MYCBP2: variants seen among roughly 807,000 people sequenced by gnomAD.
MYCBP2 encodes MYC binding protein 2, also known as E3 ubiquitin-protein ligase MYCBP2.
MYCBP2 carries 120 observed loss-of-function variants against 525.3 expected under a neutral mutation model. The ratio of observed to expected loss-of-function variants is 0.23; its 90% CI spans 0.20 to 0.27. MYCBP2 has a LOEUF of 0.27. Ranked by LOEUF, MYCBP2 falls within the 10% of genes least tolerant of loss-of-function variation. The pLI is 1.00. For missense variants in MYCBP2, 4,149 were observed against 5,657.1 expected, an observed-to-expected ratio of 0.73 and a Z score of 8.55; for synonymous variants, 1,894 against 1,955.8, an observed-to-expected ratio of 0.97 and a Z score of 0.83.
intron 48 of MYCBP2, among the ~76,000 whole-genome samples, chr13:77,145,150 AT>A (rs1453611420): frequency 6.6e-6 from 1 of 152,034 alleles, no homozygotes; most frequent in Non-Finnish European, 1.5e-5. Flanking sequence ...CCTTTCCACA[AT>A]TTATCCTTAT....
chr13:77,048,484 T>C (rs1451480253), intron 82 of MYCBP2, among the ~76,000 whole-genome samples: 1 of 152,208 alleles, frequency 6.6e-6, no homozygotes, highest in Non-Finnish European at 1.5e-5. Flanking sequence ...GTAAACTGTA[T>C]ATGGCCATCT....
chr13:77,188,000 C>T (rs538023501), intron 30 of MYCBP2, among the ~76,000 whole-genome samples: 13 of 148,250 alleles, frequency 8.8e-5, no homozygotes, highest in South Asian at 8.6e-4. Flanking sequence ...GAACTCAGGA[C>T]GCGGAGGTTG....
intron 68 of MYCBP2, among the ~76,000 whole-genome samples, chr13:77,073,521 C>T (rs1054138507): frequency 7.2e-5 from 11 of 151,956 alleles, no homozygotes; most frequent in East Asian, 1.9e-4. Flanking sequence ...TTCAGCATGG[C>T]GCTTAAGGGC....
chr13:77,220,858 A>C (rs1307732517), intron 20 of MYCBP2, among the ~76,000 whole-genome samples: 1 of 152,170 alleles, frequency 6.6e-6, no homozygotes, highest in Non-Finnish European at 1.5e-5. Flanking sequence ...TATCTAATCC[A>C]CTAGGCACAG....
intron 21 of MYCBP2, among the ~76,000 whole-genome samples, chr13:77,212,801 G>A (rs2064205673): frequency 6.6e-6 from 1 of 152,174 alleles, no homozygotes; most frequent in African/African-American, 2.4e-5. Context: ...TCAGGTAAGA[G>A]TTTAATTTAA....
intron 3 of MYCBP2, among the ~76,000 whole-genome samples, chr13:77,285,787 A>AGAAAG (rs1480656349): frequency 2.6e-5 from 4 of 151,978 alleles, no homozygotes; most frequent in Non-Finnish European, 4.4e-5. Flanking sequence ...ACTCCGTGAA[A>AGAAAG]GAAAGGAAAG....
At chr13:77,206,965 A>T in intron 23 of MYCBP2, 140 bp from the exon 24 acceptor site, 1 of 650,098 alleles carries the variant, frequency 1.5e-6, no homozygotes, top group South Asian at 3.8e-5. Flanking sequence ...TATCTTCTGG[A>T]TCTAAGCTAA....
intron 3 of MYCBP2, among the ~76,000 whole-genome samples, chr13:77,282,538 A>G (rs1594628398): frequency 1.3e-5 from 2 of 152,292 alleles, no homozygotes; most frequent in South Asian, 4.1e-4. Flanking sequence ...AACTTTTCAA[A>G]ACTTTTCAAC....
Position 77,287,592 on chromosome 13 carries a change from T to C in MYCBP2, c.594+569A>G, listed in dbSNP as rs543034092. On this transcript the variant is annotated intron_variant, in intron 3 of 82. Coordinates refer to ENST00000544440, the MANE Select transcript of MYCBP2 (RefSeq NM_015057.5). ...AGAAGTTCAGTTGGTTCATAGGTGA[T>C]TTTTTTTTTTCCTAATCAAGGGAAA... 1.3e-4 allele frequency among the ~76,000 whole-genome samples: 19 copies of C among 146,066 alleles called. No individual in the cohort carries two copies. The South Asian group carries it at 2.2e-3, about 17-fold the overall frequency.
intron 24 of MYCBP2, among the ~76,000 whole-genome samples, 185 bp from the exon 25 acceptor site, chr13:77,205,783 T>C (rs984681575): frequency 3.3e-5 from 5 of 152,180 alleles, no homozygotes; most frequent in African/African-American, 4.8e-5. Flanking sequence ...TGATTAATGA[T>C]CATATTTAAA....
chr13:77,252,170 T>C (rs2071323967), intron 14 of MYCBP2, among the ~76,000 whole-genome samples: 1 of 152,222 alleles, frequency 6.6e-6, no homozygotes, highest in Admixed American at 6.5e-5. Context: ...GAACACCTAC[T>C]ATACTCCAGG....
At chr13:77,087,897 C>A (rs1304050042) in intron 61 of MYCBP2, 1 of 259,574 alleles carries the variant, frequency 3.9e-6, no homozygotes, top group Non-Finnish European at 7.3e-6. Flanking sequence ...CCTCCCACCT[C>A]AGCCTCCCAA....
At chr13:77,297,189 A>T (rs1403736547) in intron 1 of MYCBP2, among the ~76,000 whole-genome samples, 2 of 152,212 alleles carry the variant, frequency 1.3e-5, no homozygotes, top group Admixed American at 1.3e-4. Context: ...TCTTTAAGCA[A>T]AAGGAAGCCC....
intron 26 of MYCBP2, among the ~76,000 whole-genome samples, chr13:77,203,708 A>G (rs1462220899): frequency 6.6e-6 from 1 of 152,234 alleles, no homozygotes; most frequent in Non-Finnish European, 1.5e-5. Context: ...ATATAGATCA[A>G]TGGAACGGAA....
At chr13:77,192,391 C>T (rs980575263) in intron 27 of MYCBP2, among the ~76,000 whole-genome samples, 2 of 152,090 alleles carry the variant, frequency 1.3e-5, no homozygotes, top group Non-Finnish European at 2.9e-5. Flanking sequence ...TGGAGTCTGT[C>T]ACATAATATC....
chr13:77,079,003 C>T, intron 65 of MYCBP2, 114 bp from the exon 66 acceptor site: 1 of 838,096 alleles, frequency 1.2e-6, no homozygotes. Context: ...TCTTATGGTC[C>T]TTCCTGATTG....
In MYCBP2 at chr13:77,063,863, T is replaced by C. The variant is rs143988183; in HGVS notation, c.12672+752A>G. 1.7e-3 allele frequency among the ~76,000 whole-genome samples: 255 copies of C among 152,280 alleles called. 4 individuals are homozygous for C. Among genetic ancestry groups the C allele is most frequent in the African/African-American group, 5.4e-3 (226 of 41,546 alleles). ...GGAAAGGATTACTGTCAAAAATACC[T>C]ATTTCAGGTGTCACAGTCAATAATA... On this transcript the variant is annotated intron_variant, in intron 73 of 82. Transcript: ENST00000544440.
rs2061314440 is a variant in MYCBP2 at position 77,191,691 on chromosome 13, G to C, written c.4058C>G (p.Thr1353Ser). The C allele has an allele frequency of 6.2e-7, 1 of 1,613,640 alleles. No individual in the cohort carries two copies. Among genetic ancestry groups the C allele is most frequent in the African/African-American group, 1.3e-5 (1 of 74,894 alleles). The change falls in exon 28 of 83, where the codon ACC becomes AGC. Residue 1353 changes from threonine to serine, a missense_variant. By Grantham distance (58) the Thr-to-Ser change is moderately conservative. This residue lies in a region of MYCBP2 where 620 missense variants were observed against 795.5 expected (regional missense o/e 0.78). Coordinates refer to ENST00000544440, the MANE Select transcript of MYCBP2 (RefSeq NM_015057.5). ...DCGSHGQASI[T>S]TDDGVVFQFK... is the part of the protein sequence containing the mutation. ...GGCATTTACTTACCCATCATCTGTG[G>C]TAATAGATGCCTGTCCATGAGATCC...
Position 77,273,673 on chromosome 13 carries a change from G to T in MYCBP2, c.749-5C>A. The T allele has an allele frequency of 6.7e-7, 1 of 1,483,472 alleles. No homozygotes were observed. The highest frequency in any genetic ancestry group is 1.5e-5 in the South Asian group (1 of 67,106). 91.9% of individuals were successfully genotyped at this position (1,483,472 alleles called of 1,614,324 possible). A position where few individuals can be genotyped will look rare whatever the true frequency, so the allele number is the denominator to read the frequency against. ...AAAGAAGCTGGAAGAGAGACTCTGT[G>T]GATAAAATAGAATTCAATTATATTC... On this transcript the variant is annotated splice_polypyrimidine_tract_variant and splice_region_variant and intron_variant, in intron 4 of 82. Coordinates refer to ENST00000544440, the MANE Select transcript of MYCBP2 (RefSeq NM_015057.5).
Sources: gnomAD v4.1 joint callset for allele counts (sites outside exome capture counted in the v4.1 genomes callset) on GRCh38, gnomAD v4.1.1 for gene constraint, gnomAD v4.1.1 regional missense constraint, MANE v1.5 for transcripts, NCBI Gene and HGNC (gene_info 2026-07-23, HGNC 2026-07-21) for gene names.